RCOR3: variants seen among roughly 807,000 people sequenced by gnomAD.
The protein encoded by RCOR3 is REST corepressor 3.
Under a neutral mutation model 64.1 loss-of-function variants are expected in RCOR3, and 13 were observed. The observed-to-expected ratio is 0.20, with a 90% CI of 0.13 to 0.32. The LOEUF is 0.32. Among genes scored for constraint, RCOR3 ranks in the 10% least tolerant of loss-of-function variants. The pLI is 1.00. For synonymous variants in RCOR3, 215 were observed against 239.0 expected, an observed-to-expected ratio of 0.90 and a Z score of 0.93; for missense variants, 489 against 701.2, an observed-to-expected ratio of 0.70 and a Z score of 3.42.
intron 2 of RCOR3, chr1:211,261,249 G>GTTT (rs1413204908): frequency 6.6e-6 from 1 of 152,134 alleles, no homozygotes; most frequent in Non-Finnish European, 1.5e-5. Context: ...ACAGAGGCGT[G>GTTT]TTTTTTTGTT....
intron 9 of RCOR3, among the ~76,000 whole-genome samples, chr1:211,299,134 CATT>C (rs1210345536): frequency 6.6e-6 from 1 of 152,046 alleles, no homozygotes; most frequent in Admixed American, 6.6e-5. Context: ...AAAGTTATGA[CATT>C]ATTATACAGG....
At chr1:211,275,558 TGCTTAATACCTTATAATAAAGAGAAAG>T (rs1316097015) in intron 4 of RCOR3, among the ~76,000 whole-genome samples, 3 of 152,156 alleles carry the variant, frequency 2.0e-5, no homozygotes, top group African/African-American at 7.2e-5. Flanking sequence ...CCCTAAATGA[TGCTTAATACCTTATAATAAAGAGAAAG>T]GCCTACTAAA....
At position 211,259,571 on chromosome 1, in the gene RCOR3, T is replaced by G. The variant is rs1331010841; in HGVS notation, c.11T>G (p.Met4Arg). Residue 4 changes from methionine (M) to arginine (R), a missense_variant, in exon 1 of 12, where the codon ATG becomes AGG. Around this residue, in one of 2 missense-constraint regions of RCOR3, gnomAD observed 87 missense variants for 84.3 expected, o/e 1.03. Coordinates refer to ENST00000419091, the MANE Select transcript of RCOR3 (RefSeq NM_001136223.3). MPG[M>R]MEKGPELLGK... The stretch of plus-strand genomic sequence containing the variant: ...CTCCCCTGTTCTACCATGCCCGGCA[T>G]GATGGAGAAAGGGCCCGAGTTACTG... 1.3e-6 allele frequency: 2 copies of G among 1,545,998 alleles called. No homozygotes were observed. The highest frequency in any genetic ancestry group is 1.7e-6 in the Non-Finnish European group (2 of 1,145,088).
rs547491606 is a variant in RCOR3, at chr1:211,279,621, A to T, written c.720+305A>T. 3.0e-4 allele frequency among the ~76,000 whole-genome samples: 46 copies of T among 152,206 alleles called. No individual in the cohort carries two copies. The South Asian group carries it at 7.9e-3, about 26-fold the overall frequency. Reference sequence around the variant, plus strand: ...AACCCAATGCCATGGGCCATTCATCACCTTAAGCTCTTTCATCAATGTTAT... The same window carrying T: ...AACCCAATGCCATGGGCCATTCATCTCCTTAAGCTCTTTCATCAATGTTAT... On this transcript the variant is annotated intron_variant, in intron 7 of 11. Transcript: ENST00000419091.
intron 10 of RCOR3, among the ~76,000 whole-genome samples, chr1:211,306,541 A>G (rs1700869872): frequency 6.6e-6 from 1 of 152,150 alleles, no homozygotes; most frequent in Non-Finnish European, 1.5e-5. Context: ...CTCATAGTAG[A>G]AGACTATTAC....
chr1:211,267,239 C>T (rs1340790526), intron 2 of RCOR3, among the ~76,000 whole-genome samples: 1 of 152,164 alleles, frequency 6.6e-6, no homozygotes, highest in Non-Finnish European at 1.5e-5. Flanking sequence ...ATAGATTTAT[C>T]CAAGGTGACA....
chr1:211,264,261 G>GA (rs1271126730), intron 2 of RCOR3, among the ~76,000 whole-genome samples: 1 of 152,198 alleles, frequency 6.6e-6, no homozygotes, highest in Non-Finnish European at 1.5e-5. Context: ...TCATTTGGAA[G>GA]AAAAATTCCT....
intron 7 of RCOR3, among the ~76,000 whole-genome samples, chr1:211,281,861 G>C (rs1451949202): frequency 1.3e-5 from 2 of 152,092 alleles, no homozygotes; most frequent in Non-Finnish European, 2.9e-5. Context: ...TTTACTCATA[G>C]TTTCCCCTCC....
At position 211,259,544 on chromosome 1, in the gene RCOR3, C is replaced by T. The variant is rs1457039467; in HGVS notation, c.-17C>T. The T allele has an allele frequency of 1.9e-6, 3 of 1,545,938 alleles. No homozygotes were observed. Among genetic ancestry groups the T allele is most frequent in the Non-Finnish European group, 2.6e-6 (3 of 1,144,840 alleles). ...GCCTGCCTCTTCCCCTCACCTTTCC[C>T]CCTCCCCTGTTCTACCATGCCCGGC... On this transcript the variant is annotated 5_prime_UTR_variant, in exon 1 of 12. Transcript: ENST00000419091.
In RCOR3 at chr1:211,272,788, A is replaced by T. The variant is rs368521042; in HGVS notation, c.302-1422A>T. Among the ~76,000 whole-genome samples, 466 of 149,778 alleles carry T rather than the reference A, an allele frequency of 3.1e-3. 4 individuals carry two copies. The highest frequency in any genetic ancestry group is 0.011 in the African/African-American group (437 of 40,882). On this transcript the variant is annotated intron_variant, in intron 3 of 11. Coordinates refer to ENST00000419091, the MANE Select transcript of RCOR3 (RefSeq NM_001136223.3). ...AGGCGCCCGCCACTACGCCCGGCTAATTTTTTGTATTTTTAGTAGAGACGG... is the reference window on the plus strand; with the variant it reads ...AGGCGCCCGCCACTACGCCCGGCTATTTTTTTGTATTTTTAGTAGAGACGG...
Position 211,313,796 on chromosome 1 carries a change from C to T in RCOR3, c.*28C>T. 6.4e-7 allele frequency: 1 copy of T among 1,560,706 alleles called. No homozygotes were observed. Among genetic ancestry groups the T allele is most frequent in the Non-Finnish European group, 8.8e-7 (1 of 1,133,924 alleles). ...ATTAAATTGGACACAGCTGCAGTAA[C>T]TTTTCACCCCATCATTATACCAGTG... On this transcript the variant is annotated 3_prime_UTR_variant, in exon 12 of 12. Transcript: ENST00000419091. The surrounding 1 kb of genome is among the most constrained non-coding windows in gnomAD (Gnocchi z 4.7).
At chr1:211,265,444 G>A (rs114952999) in intron 2 of RCOR3, among the ~76,000 whole-genome samples, 4,488 of 152,138 alleles carry the variant, frequency 0.029, 86 homozygotes, top group South Asian at 0.074. Flanking sequence ...TGGGCCCGGC[G>A]CGGTGGCTCA....
intron 3 of RCOR3, among the ~76,000 whole-genome samples, chr1:211,273,494 G>T (rs779822520): frequency 6.6e-6 from 1 of 152,108 alleles, no homozygotes; most frequent in Non-Finnish European, 1.5e-5. Flanking sequence ...TAGAATCAAG[G>T]CAGAGTGATT....
intron 2 of RCOR3, among the ~76,000 whole-genome samples, chr1:211,263,563 A>C (rs947143689): frequency 1.3e-5 from 2 of 152,222 alleles, no homozygotes; most frequent in African/African-American, 4.8e-5. Flanking sequence ...AATTAAAACT[A>C]GCTACCATTT....
At chr1:211,272,612 CTTTT>C (rs768152573) in intron 3 of RCOR3, among the ~76,000 whole-genome samples, 4 of 43,514 alleles carry the variant, frequency 9.2e-5, no homozygotes, top group Non-Finnish European at 1.1e-4. Flanking sequence ...GGATGTCTTA[CTTTT>C]TTTTTTTTTT....
At chr1:211,288,915 C>A (rs1698906266) in intron 7 of RCOR3, among the ~76,000 whole-genome samples, 1 of 151,940 alleles carries the variant, frequency 6.6e-6, no homozygotes, top group South Asian at 2.1e-4. Context: ...CTTATTTTTT[C>A]ACTTATTCCT....
intron 2 of RCOR3, among the ~76,000 whole-genome samples, chr1:211,264,735 T>C (rs1694906095): frequency 6.6e-6 from 1 of 152,082 alleles, no homozygotes; most frequent in South Asian, 2.1e-4. Context: ...TGAGAAGAAT[T>C]GAGATTTATA....
chr1:211,293,311 A>G, intron 8 of RCOR3, among the ~76,000 whole-genome samples: 1 of 152,070 alleles, frequency 6.6e-6, no homozygotes, highest in Non-Finnish European at 1.5e-5. Flanking sequence ...TCTAAAAGGC[A>G]TATATGGTCA....
chr1:211,289,192 A>G lies in RCOR3; in HGVS notation c.735A>G (p.Gln245=), dbSNP rs937029640. The G allele has an allele frequency of 2.5e-6, 4 of 1,613,846 alleles. No individual in the cohort carries two copies. Among genetic ancestry groups the G allele is most frequent in the East Asian group, 2.2e-5 (1 of 44,890 alleles). ...TATTCTCTTAGGGTAATACTGAACAACCTGTCCAAACTAGCAAGATTGGAC... is the reference window on the plus strand; with the variant it reads ...TATTCTCTTAGGGTAATACTGAACAGCCTGTCCAAACTAGCAAGATTGGAC... ...KEAKKEGNTE[Q]PVQTSKIGLG... Residue 245 remains glutamine, a synonymous_variant, in exon 8 of 12, where the codon CAA becomes CAG. Transcript: ENST00000419091.
Sources: gnomAD v4.1 joint callset for allele counts (sites outside exome capture counted in the v4.1 genomes callset) on GRCh38, gnomAD v4.1.1 for gene constraint, gnomAD v4.1.1 regional missense constraint, Gnocchi (gnomAD v3.1) non-coding constraint, MANE v1.5 for transcripts, NCBI Gene and HGNC (gene_info 2026-07-23, HGNC 2026-07-21) for gene names.